GPR107: variants seen among roughly 807,000 people sequenced by gnomAD.
GPR107 encodes the protein G protein-coupled receptor 107, also known as protein GPR107.
A neutral mutation model predicts 75.5 loss-of-function variants in GPR107; 31 were observed. The observed-to-expected ratio is 0.41, with a 90% CI of 0.31 to 0.55. The LOEUF is 0.55. Among genes scored for constraint, GPR107 ranks in the 20% least tolerant of loss-of-function variants. GPR107 has a pLI of 0.26. For missense variants in GPR107, 572 were observed against 665.7 expected (o/e 0.86, Z 1.55); for synonymous variants, 267 against 251.3 (o/e 1.06, Z -0.59).
chr9:130,106,489 C>T (rs1831158227), intron 13 of GPR107, among the ~76,000 whole-genome samples: 2 of 151,504 alleles, frequency 1.3e-5, no homozygotes, highest in African/African-American at 2.4e-5. Context: ...CCCAGCTACT[C>T]GGGAGGCTGA....
chr9:130,085,275 A>G (rs1447226876), intron 6 of GPR107, among the ~76,000 whole-genome samples: 2 of 152,164 alleles, frequency 1.3e-5, no homozygotes, highest in Admixed American at 1.3e-4. Context: ...CTTGGATGGT[A>G]AACGACTGGG....
In GPR107 at chr9:130,135,852, A is replaced by C. The variant is rs539142232; in HGVS notation, c.*731A>C. Reference sequence around the variant, plus strand: ...GTGGTGGGAGGTGGTTTTCTGACTGAGATGTTGCCTGATGGATGGAAAGAA... The same window carrying C: ...GTGGTGGGAGGTGGTTTTCTGACTGCGATGTTGCCTGATGGATGGAAAGAA... On this transcript the variant is annotated 3_prime_UTR_variant, in exon 18 of 18. Coordinates refer to ENST00000347136, the MANE Select transcript of GPR107 (RefSeq NM_020960.5). 3 of 152,308 alleles carry C rather than the reference A, an allele frequency of 2.0e-5. No homozygotes were observed. The highest frequency in any genetic ancestry group is 4.8e-5 in the African/African-American group (2 of 41,550). 9.4% of individuals were successfully genotyped at this position (152,308 alleles called of 1,614,324 possible). A position where few individuals can be genotyped will look rare whatever the true frequency, so the allele number is the denominator to read the frequency against.
Position 130,112,080 on chromosome 9 carries a change from G to A in GPR107, c.1306+4541G>A, listed in dbSNP as rs1366826493. ...AGTGTCATTACCTTATAGGACTGGC[G>A]TCGAGATACACACCGTAAATTTAAT... On this transcript the variant is annotated intron_variant, in intron 14 of 17. Transcript: ENST00000347136. This position sits in a 1 kb window ranked among gnomAD's most constrained non-coding sequence, Gnocchi z 4.0. Among the ~76,000 whole-genome samples, 1 of 152,188 alleles carries A rather than the reference G, an allele frequency of 6.6e-6. No individual in the cohort carries two copies. Among genetic ancestry groups the A allele is most frequent in the Non-Finnish European group, 1.5e-5 (1 of 68,046 alleles).
chr9:130,096,234 A>G (rs1830865489), intron 9 of GPR107, among the ~76,000 whole-genome samples: 1 of 152,174 alleles, frequency 6.6e-6, no homozygotes, highest in South Asian at 2.1e-4. Context: ...CAGTAGTTCC[A>G]GGCTATTCTG....
At chr9:130,079,608 C>A (rs756825656) in intron 4 of GPR107, 22 bp from the exon 5 acceptor site, 14 of 1,608,656 alleles carry the variant, frequency 8.7e-6, no homozygotes, top group Admixed American at 5.1e-5. Context: ...ACCTTTTTTC[C>A]TTCTGTCTTA....
At chr9:130,101,391 A>G (rs1831029167) in intron 12 of GPR107, among the ~76,000 whole-genome samples, 168 bp downstream of exon 12, 1 of 152,228 alleles carries the variant, frequency 6.6e-6, no homozygotes, top group Admixed American at 6.5e-5. Flanking sequence ...ACTTCAGGTC[A>G]TTGCACTGGG....
At chr9:130,099,137 C>T (rs970575739) in intron 9 of GPR107, among the ~76,000 whole-genome samples, 4 of 152,074 alleles carry the variant, frequency 2.6e-5, no homozygotes, top group Non-Finnish European at 5.9e-5. Flanking sequence ...TAGCAAAACC[C>T]TTTCTGTATA....
intron 5 of GPR107, among the ~76,000 whole-genome samples, chr9:130,081,518 A>C (rs1376155363): frequency 2.0e-5 from 3 of 151,832 alleles, no homozygotes; most frequent in Non-Finnish European, 4.4e-5. Flanking sequence ...CTAAAAATAC[A>C]AAAAATTAGC....
At chr9:130,056,351 G>A (rs1256220757) in intron 1 of GPR107, among the ~76,000 whole-genome samples, 1 of 151,766 alleles carries the variant, frequency 6.6e-6, no homozygotes, top group Non-Finnish European at 1.5e-5. Context: ...ACTCGGGGCT[G>A]AGGCAGGAGA....
intron 1 of GPR107, among the ~76,000 whole-genome samples, chr9:130,067,557 T>C (rs1272959362): frequency 6.6e-6 from 1 of 152,154 alleles, no homozygotes; most frequent in African/African-American, 2.4e-5. Flanking sequence ...AGCTCAGTCT[T>C]CTGTGTAGTT....
chr9:130,105,650 C>A (rs571537338), intron 13 of GPR107, among the ~76,000 whole-genome samples: 55 of 151,992 alleles, frequency 3.6e-4, no homozygotes, highest in African/African-American at 1.3e-3. Flanking sequence ...TAACATGGTG[C>A]AAATGGAGAG....
At chr9:130,071,015 A>C (rs1830192081) in intron 1 of GPR107, among the ~76,000 whole-genome samples, 1 of 143,646 alleles carries the variant, frequency 7.0e-6, no homozygotes, top group African/African-American at 2.6e-5. Context: ...CACCAGGCCC[A>C]GTCCTAACTT....
chr9:130,099,569 AC>A (rs1830964023), intron 10 of GPR107, 37 bp downstream of exon 10: 2 of 1,161,364 alleles, frequency 1.7e-6, no homozygotes, highest in East Asian at 4.7e-5. Context: ...TCATGAAATT[AC>A]GTATAATGCC....
intron 6 of GPR107, among the ~76,000 whole-genome samples, chr9:130,084,766 A>T (rs1830576413): frequency 6.7e-6 from 1 of 149,130 alleles, no homozygotes; most frequent in South Asian, 2.1e-4. Context: ...ACAGAGTGAG[A>T]CCCTGTCTCA....
At chr9:130,125,063 C>A in intron 15 of GPR107, 99 bp downstream of exon 15, 1 of 560,678 alleles carries the variant, frequency 1.8e-6, no homozygotes, top group South Asian at 2.2e-5. Flanking sequence ...ACAAGATGTG[C>A]CACCTGGAGC....
At chr9:130,077,041 C>T (rs1444480968) in intron 3 of GPR107, among the ~76,000 whole-genome samples, 3 of 152,060 alleles carry the variant, frequency 2.0e-5, no homozygotes, top group Non-Finnish European at 2.9e-5. Flanking sequence ...GTGCCCGCCA[C>T]CACACCTGGC....
At position 130,092,284 on chromosome 9, in the gene GPR107, T is replaced by A. The variant is rs778780056; in HGVS notation, c.766T>A (p.Ser256Thr). The change falls in exon 9 of 18, where the codon TCA becomes ACA. Residue 256 changes from serine to threonine, a missense_variant. Physicochemically the swap from Ser to Thr is moderately conservative, Grantham distance 58. Coordinates refer to ENST00000347136, the MANE Select transcript of GPR107 (RefSeq NM_020960.5). ...ITEKNPDSYL[S>T]AGEIPLPKLY... ...AGAGAAGAATCCTGACAGCTACCTCTCAGCAGGAGAAATTCCTCTCCCCAA... is the reference window on the plus strand; with the variant it reads ...AGAGAAGAATCCTGACAGCTACCTCACAGCAGGAGAAATTCCTCTCCCCAA... 6.2e-7 allele frequency: 1 copy of A among 1,609,268 alleles called. No individual in the cohort carries two copies. The highest frequency in any genetic ancestry group is 1.1e-5 in the South Asian group (1 of 90,970).
chr9:130,137,937 T>G lies in GPR107; in HGVS notation c.*2816T>G, dbSNP rs1053322627. On this transcript the variant is annotated 3_prime_UTR_variant, in exon 18 of 18. Transcript: ENST00000347136. The stretch of plus-strand genomic sequence containing the variant: ...TCTGCCTACGCAAAATATCCATGTT[T>G]CCTCTGAGAAATCTGTTGTGGACTG... 3.1e-4 allele frequency: 47 copies of G among 152,382 alleles called. No individual in the cohort carries two copies. Among genetic ancestry groups the G allele is most frequent in the African/African-American group, 1.1e-3 (46 of 41,594 alleles). 9.4% of individuals were successfully genotyped at this position (152,382 alleles called of 1,614,324 possible). A position where few individuals can be genotyped will look rare whatever the true frequency, so the allele number is the denominator to read the frequency against.
At chr9:130,097,214 G>A (rs1027513835) in intron 9 of GPR107, among the ~76,000 whole-genome samples, 1 of 146,558 alleles carries the variant, frequency 6.8e-6, no homozygotes, top group African/African-American at 2.5e-5. Flanking sequence ...GAGTGCAGTG[G>A]CACCATCTTG....
Sources: gnomAD v4.1 joint callset for allele counts (sites outside exome capture counted in the v4.1 genomes callset) on GRCh38, gnomAD v4.1.1 for gene constraint, Gnocchi (gnomAD v3.1) non-coding constraint, MANE v1.5 for transcripts, NCBI Gene and HGNC (gene_info 2026-07-23, HGNC 2026-07-21) for gene names.